Variants in SLC39A11 observed in about 807,000 individuals in gnomAD.
SLC39A11 encodes the protein solute carrier family 39 member 11.
SLC39A11 carries 33 observed loss-of-function variants against 36.1 expected under a neutral mutation model. The ratio of observed to expected loss-of-function variants is 0.91; its 90% CI spans 0.69 to 1.22. SLC39A11 has a LOEUF of 1.22. SLC39A11 is among the 50% of genes most tolerant of loss of function. The pLI is 0.00. For synonymous variants in SLC39A11, 166 were observed against 170.3 expected (o/e 0.97, Z 0.20); for missense variants, 432 against 430.3 (o/e 1.00, Z -0.03).
chr17:72,786,185 G>T (rs1163452135), intron 6 of SLC39A11, among the ~76,000 whole-genome samples: 1 of 152,196 alleles, frequency 6.6e-6, no homozygotes, highest in Non-Finnish European at 1.5e-5. Context: ...GCACCCAGCT[G>T]GAATCTGATG....
In SLC39A11 at chr17:72,908,186, G is replaced by A. The variant is rs867444007; in HGVS notation, c.430+39566C>T. Reference sequence around the variant, plus strand: ...GAAACCCAAGGCTTCTTTAGCCAGCGTCCAGGCCAGGTGCTCTCTGCCTCC... The same window carrying A: ...GAAACCCAAGGCTTCTTTAGCCAGCATCCAGGCCAGGTGCTCTCTGCCTCC... On this transcript the variant is annotated intron_variant, in intron 5 of 9. Transcript: ENST00000255559. 4.6e-5 allele frequency among the ~76,000 whole-genome samples: 7 copies of A among 152,300 alleles called. No individual in the cohort carries two copies. In the South Asian group the frequency reaches 1.0e-3, roughly 23 times the overall value.
chr17:72,692,727 A>T (rs2072094011), intron 7 of SLC39A11, among the ~76,000 whole-genome samples: 1 of 152,160 alleles, frequency 6.6e-6, no homozygotes, highest in African/African-American at 2.4e-5. Context: ...TGGGGTGGGG[A>T]TGAGAACAGA....
chr17:72,749,041 G>T (rs2075051155), intron 6 of SLC39A11, among the ~76,000 whole-genome samples: 1 of 152,218 alleles, frequency 6.6e-6, no homozygotes, highest in Non-Finnish European at 1.5e-5. Context: ...CAAGGGAGTT[G>T]TTAGTTTTGA....
At chr17:72,909,766 G>A (rs1176984296) in intron 5 of SLC39A11, among the ~76,000 whole-genome samples, 1 of 123,128 alleles carries the variant, frequency 8.1e-6, no homozygotes, top group African/African-American at 2.9e-5. Flanking sequence ...TTTTTTTTGA[G>A]ACGGAGTCTC....
intron 6 of SLC39A11, among the ~76,000 whole-genome samples, chr17:72,786,257 C>T (rs919276661): frequency 1.3e-5 from 2 of 152,150 alleles, no homozygotes; most frequent in Non-Finnish European, 2.9e-5. Flanking sequence ...TTAAGTGTGC[C>T]AGAATAGTTG....
chr17:72,926,207 T>TA (rs1298336926), intron 5 of SLC39A11, among the ~76,000 whole-genome samples: 1 of 152,246 alleles, frequency 6.6e-6, no homozygotes, highest in African/African-American at 2.4e-5. Context: ...AATGAAATTT[T>TA]AAAAAATCAA....
chr17:72,766,244 G>A (rs1381134349), intron 6 of SLC39A11, among the ~76,000 whole-genome samples: 2 of 152,182 alleles, frequency 1.3e-5, no homozygotes, highest in African/African-American at 4.8e-5. Flanking sequence ...ACTGTGTGAT[G>A]CTGGCTGTCA....
intron 6 of SLC39A11, among the ~76,000 whole-genome samples, chr17:72,751,370 T>G (rs2075149373): frequency 6.6e-6 from 1 of 152,110 alleles, no homozygotes; most frequent in Non-Finnish European, 1.5e-5. Context: ...AAGAAGACAG[T>G]TCTAAGAATC....
Position 73,078,778 on chromosome 17 carries a change from G to A in SLC39A11, c.147+6030C>T, listed in dbSNP as rs546817469. ...TCCCAAAGTGCTGGGATTAGCAGGT[G>A]TGAGCCACCATGCCCGGCCTATCTC... On this transcript the variant is annotated intron_variant, in intron 3 of 9. Transcript: ENST00000255559. 3.9e-5 allele frequency among the ~76,000 whole-genome samples: 6 copies of A among 151,974 alleles called. No individual in the cohort carries two copies. In the East Asian group the frequency reaches 7.8e-4, roughly 20 times the overall value.
intron 7 of SLC39A11, among the ~76,000 whole-genome samples, chr17:72,725,252 C>G (rs1431094162): frequency 6.6e-6 from 1 of 152,160 alleles, no homozygotes; most frequent in African/African-American, 2.4e-5. Flanking sequence ...TCTATGCTCC[C>G]CTGCTAGGGT....
intron 7 of SLC39A11, among the ~76,000 whole-genome samples, chr17:72,732,595 A>G (rs2074276964): frequency 6.6e-6 from 1 of 151,842 alleles, no homozygotes; most frequent in Non-Finnish European, 1.5e-5. Flanking sequence ...TGTTATTTCT[A>G]GTTTTGTGAG....
chr17:72,784,238 C>T (rs1351761570), intron 6 of SLC39A11, among the ~76,000 whole-genome samples: 2 of 152,004 alleles, frequency 1.3e-5, no homozygotes, highest in East Asian at 1.9e-4. Context: ...CCAGTTACTC[C>T]AGAGCCTGAA....
At chr17:72,656,507 C>T (rs1201239418) in intron 7 of SLC39A11, among the ~76,000 whole-genome samples, 2 of 151,464 alleles carry the variant, frequency 1.3e-5, no homozygotes, top group African/African-American at 4.9e-5. Context: ...AGAGAGGGAG[C>T]GTGGAAAGGG....
chr17:72,904,935 A>G (rs2082573446), intron 5 of SLC39A11, among the ~76,000 whole-genome samples: 1 of 152,074 alleles, frequency 6.6e-6, no homozygotes. Context: ...GCACTTTGGG[A>G]GGCCGAGGCA....
At chr17:72,997,819 C>T (rs777222988) in intron 4 of SLC39A11, among the ~76,000 whole-genome samples, 1 of 152,120 alleles carries the variant, frequency 6.6e-6, no homozygotes, top group Non-Finnish European at 1.5e-5. Flanking sequence ...TCAACTGTCA[C>T]GACTTCATGG....
chr17:72,887,916 C>T (rs4506974), intron 5 of SLC39A11, among the ~76,000 whole-genome samples: 63,712 of 152,072 alleles, frequency 0.42, 14,573 homozygotes, highest in East Asian at 0.69. Context: ...GAAAAGTACT[C>T]TTCCCCACTT....
chr17:72,816,457 A>G (rs1029610497), intron 6 of SLC39A11, among the ~76,000 whole-genome samples: 1 of 198 alleles, frequency 5.1e-3, no homozygotes, highest in East Asian at 0.083. Context: ...GAAGCGAAAC[A>G]TTTAAAAGCT....
Position 72,687,790 on chromosome 17 carries a change from C to A in SLC39A11, c.672-38522G>T, listed in dbSNP as rs546632239. 1.2e-4 allele frequency among the ~76,000 whole-genome samples: 19 copies of A among 152,336 alleles called. No individual in the cohort carries two copies. In the South Asian group the frequency reaches 3.7e-3, roughly 30 times the overall value. Reference sequence around the variant, plus strand: ...CCAACAAGCATATGCCAAGACCCGGCTGGATGCTCTATAGGTTCTATTGTT... The same window carrying A: ...CCAACAAGCATATGCCAAGACCCGGATGGATGCTCTATAGGTTCTATTGTT... On this transcript the variant is annotated intron_variant, in intron 7 of 9. Coordinates refer to ENST00000255559, the MANE Select transcript of SLC39A11 (RefSeq NM_139177.4).
intron 4 of SLC39A11, among the ~76,000 whole-genome samples, chr17:72,959,918 C>T (rs1208445553): frequency 2.0e-5 from 3 of 152,096 alleles, no homozygotes; most frequent in Non-Finnish European, 4.4e-5. Flanking sequence ...CCCAGAGTTC[C>T]CTGCTTCGTG....
Sources: gnomAD v4.1 joint callset for allele counts (sites outside exome capture counted in the v4.1 genomes callset) on GRCh38, gnomAD v4.1.1 for gene constraint, MANE v1.5 for transcripts, NCBI Gene and HGNC (gene_info 2026-07-23, HGNC 2026-07-21) for gene names.